The following ATXN1 variants were observed in gnomAD, a reference collection of about 807,000 sequenced individuals.
ATXN1 encodes ataxin 1.
A neutral mutation model predicts 56.4 loss-of-function variants in ATXN1; 8 were observed. The ratio of observed to expected loss-of-function variants is 0.14; its 90% confidence interval spans 0.08 to 0.26. The LOEUF is 0.26. ATXN1 is among the 10% of genes least tolerant of loss of function. The probability of loss-of-function intolerance (pLI) is 1.00; values close to 1 mark genes in which losing one functional copy is unlikely to be tolerated. For missense variants in ATXN1, 987 were observed against 1,106.5 expected (o/e 0.89, Z 1.53); for synonymous variants, 514 against 494.6 (o/e 1.04, Z -0.52).
At chr6:16,645,399 T>G (rs1273219549) in intron 3 of ATXN1, among the ~76,000 whole-genome samples, 1 of 152,202 alleles carries the variant, frequency 6.6e-6, no homozygotes, top group African/African-American at 2.4e-5. Flanking sequence ...CCATTTAACC[T>G]CTGCAAAGTA....
At chr6:16,739,290 T>C (rs1379535857) in intron 2 of ATXN1, 1 of 152,532 alleles carries the variant, frequency 6.6e-6, no homozygotes, top group African/African-American at 2.4e-5. Context: ...TATCTGCTTA[T>C]GTAAACACTA....
At chr6:16,741,702 T>C (rs1319136938) in intron 2 of ATXN1, among the ~76,000 whole-genome samples, 4 of 152,206 alleles carry the variant, frequency 2.6e-5, no homozygotes, top group Non-Finnish European at 5.9e-5. Flanking sequence ...GGAAGGCTCA[T>C]ATACTACTGG....
chr6:16,755,813 C>T (rs2113542657), intron 1 of ATXN1, among the ~76,000 whole-genome samples: 1 of 152,004 alleles, frequency 6.6e-6, no homozygotes, highest in Middle Eastern at 3.4e-3. Context: ...GAGTACACTA[C>T]CATGAATTTT....
intron 5 of ATXN1, among the ~76,000 whole-genome samples, chr6:16,497,330 A>G (rs58127383): frequency 6.6e-6 from 1 of 151,492 alleles, no homozygotes; most frequent in Non-Finnish European, 1.5e-5. Context: ...AAAAAAAAAA[A>G]GATTCCCATT....
intron 2 of ATXN1, among the ~76,000 whole-genome samples, chr6:16,671,430 G>A (rs528661601): frequency 1.3e-5 from 2 of 151,998 alleles, no homozygotes; most frequent in East Asian, 3.9e-4. Flanking sequence ...GTAAGAAAGT[G>A]GGCCTCAGGA....
At chr6:16,325,621 G>T (rs551808150) in intron 7 of ATXN1, among the ~76,000 whole-genome samples, 1 of 152,020 alleles carries the variant, frequency 6.6e-6, no homozygotes, top group Non-Finnish European at 1.5e-5. Flanking sequence ...TTCCCCAGGT[G>T]CCCCCCACTT....
intron 2 of ATXN1, among the ~76,000 whole-genome samples, chr6:16,716,077 GCATCCTTCGTC>G (rs1251958597): frequency 3.3e-5 from 5 of 152,084 alleles, no homozygotes; most frequent in Non-Finnish European, 7.4e-5. Context: ...CTAAATTAAC[GCATCCTTCGTC>G]CATATGATCA....
intron 3 of ATXN1, among the ~76,000 whole-genome samples, chr6:16,593,769 G>A (rs1762764348): frequency 6.6e-6 from 1 of 151,302 alleles, no homozygotes; most frequent in Non-Finnish European, 1.5e-5. Flanking sequence ...AGCTACTATA[G>A]TTCCTTCATA....
intron 2 of ATXN1, among the ~76,000 whole-genome samples, chr6:16,702,107 A>C (rs1057283212): frequency 2.0e-4 from 30 of 152,218 alleles, no homozygotes; most frequent in African/African-American, 7.0e-4. Context: ...ACAGTAATCA[A>C]AACAGCATGG....
At position 16,676,184 on chromosome 6, in the gene ATXN1, C is replaced by T. The variant is rs1374891943; in HGVS notation, c.-614-18283G>A. Among the ~76,000 whole-genome samples, 5 of 152,120 alleles carry T rather than the reference C, an allele frequency of 3.3e-5. No individual in the cohort carries two copies. The East Asian group carries it at 7.7e-4, about 23-fold the overall frequency. The stretch of plus-strand genomic sequence containing the variant: ...CAATTCGATGAAAAAAATATATATA[C>T]AACTGAAGATTTCTAAAAGATAATT... On this transcript the variant is annotated intron_variant, in intron 2 of 7. Coordinates refer to ENST00000436367, the MANE Select transcript of ATXN1 (RefSeq NM_001128164.2).
chr6:16,457,330 G>T (rs1333368897), intron 6 of ATXN1, among the ~76,000 whole-genome samples: 2 of 151,776 alleles, frequency 1.3e-5, no homozygotes, highest in African/African-American at 4.8e-5. Flanking sequence ...GGTGAGCACA[G>T]CTATTCCGAA....
chr6:16,430,821 A>G (rs890664094), intron 6 of ATXN1, among the ~76,000 whole-genome samples: 11 of 151,904 alleles, frequency 7.2e-5, no homozygotes, highest in African/African-American at 2.7e-4. Flanking sequence ...AGTCATTCCT[A>G]TGGGATTAGG....
chr6:16,679,388 ATGG>A (rs2113396944), intron 2 of ATXN1, among the ~76,000 whole-genome samples: 1 of 150,466 alleles, frequency 6.6e-6, no homozygotes, highest in East Asian at 2.0e-4. Flanking sequence ...GGATGGATGG[ATGG>A]ATGGATGGAT....
chr6:16,325,891 T>C (rs1294649021), intron 7 of ATXN1, among the ~76,000 whole-genome samples: 2 of 152,124 alleles, frequency 1.3e-5, no homozygotes, highest in African/African-American at 4.8e-5. Context: ...CCTCAGTCTC[T>C]GGAGTAGCTG....
chr6:16,705,922 T>A (rs1174945959), intron 2 of ATXN1, among the ~76,000 whole-genome samples: 5 of 151,976 alleles, frequency 3.3e-5, no homozygotes. Context: ...ATCCCTACAG[T>A]CCTTGAATGG....
At chr6:16,679,221 A>AGGAT (rs10701437) in intron 2 of ATXN1, among the ~76,000 whole-genome samples, 120,871 of 147,908 alleles carry the variant, frequency 0.82, 49,568 homozygotes, top group African/African-American at 0.85. Flanking sequence ...GATGGGTGGA[A>AGGAT]GGATGAATAG....
At chr6:16,659,483 T>C (rs569117797) in intron 2 of ATXN1, among the ~76,000 whole-genome samples, 1 of 152,386 alleles carries the variant, frequency 6.6e-6, no homozygotes, top group African/African-American at 2.4e-5. Context: ...GCTGCATTTC[T>C]CTTATTTGTT....
At chr6:16,372,074 G>C (rs977480320) in intron 6 of ATXN1, among the ~76,000 whole-genome samples, 1 of 152,160 alleles carries the variant, frequency 6.6e-6, no homozygotes, top group African/African-American at 2.4e-5. Context: ...TTTTAAAATT[G>C]CTTTTTAGAA....
intron 6 of ATXN1, among the ~76,000 whole-genome samples, chr6:16,474,829 T>C (rs1760292234): frequency 7.0e-6 from 1 of 143,044 alleles, no homozygotes; most frequent in East Asian, 2.3e-4. Context: ...AGCATATGTG[T>C]GTGCATACAC....
Sources: allele counts gnomAD v4.1 joint callset (sites outside exome capture counted in the v4.1 genomes callset), GRCh38; gene constraint gnomAD v4.1.1; transcripts MANE v1.5; gene names NCBI Gene and HGNC (gene_info 2026-07-23, HGNC 2026-07-21).